Variants in SMAD4 observed in about 807,000 individuals in gnomAD.
The protein encoded by SMAD4 is MAD homolog 4.
A neutral mutation model predicts 63.2 loss-of-function variants in SMAD4; 7 were observed. The observed-to-expected ratio is 0.11, with a 90% confidence interval of 0.06 to 0.21. The LOEUF (loss-of-function observed/expected upper bound fraction) is 0.21. Among genes scored for constraint, SMAD4 ranks in the 10% least tolerant of loss-of-function variants. The pLI is 1.00. For missense variants in SMAD4, 312 were observed against 693.8 expected, an observed-to-expected ratio of 0.45 and a Z score of 6.18; for synonymous variants, 215 against 235.4, an observed-to-expected ratio of 0.91 and a Z score of 0.79.
At chr18:51,076,290 C>G (rs1452275617) in intron 10 of SMAD4, among the ~76,000 whole-genome samples, 1 of 152,130 alleles carries the variant, frequency 6.6e-6, no homozygotes, top group Non-Finnish European at 1.5e-5. Context: ...AAGGAAAATT[C>G]AGCAATTTGA....
chr18:51,078,198 G>A (rs2144477555), intron 11 of SMAD4, 58 bp from the exon 12 acceptor site: 1 of 1,338,922 alleles, frequency 7.5e-7, no homozygotes, highest in African/African-American at 1.4e-5. Flanking sequence ...TTAGAATGTA[G>A]GGAGGATGGG....
In SMAD4 at chr18:51,058,119, C is replaced by T. The variant is rs748992694; in HGVS notation, c.668-6C>T. On this transcript the variant is annotated splice_polypyrimidine_tract_variant and splice_region_variant and intron_variant, in intron 5 of 11. Coordinates refer to ENST00000342988, the MANE Select transcript of SMAD4 (RefSeq NM_005359.6). ...GTACCATGTTAATGTCTTCTTGTTC[C>T]TCTAGGTCAGCCTGCCAGTATACTG... The T allele has an allele frequency of 7.4e-6, 12 of 1,614,040 alleles. No individual in the cohort carries two copies. The South Asian group carries it at 1.1e-4, about 15-fold the overall frequency.
chr18:51,061,143 C>CAT lies in SMAD4; in HGVS notation c.955+1231_955+1232dup, dbSNP rs552361625. Among the ~76,000 whole-genome samples the CAT allele has an allele frequency of 9.9e-5, 15 of 152,206 alleles. No homozygotes were observed. The South Asian group carries it at 3.1e-3, about 32-fold the overall frequency. On this transcript the variant is annotated intron_variant, in intron 8 of 11. Transcript: ENST00000342988. ...GGCACATGAGATGTTTTGATACAGG[C>CAT]ATATAATGCATGATAATCACATCAT...
intron 11 of SMAD4, among the ~76,000 whole-genome samples, chr18:51,078,051 T>C (rs893485852): frequency 6.6e-6 from 1 of 152,234 alleles, no homozygotes; most frequent in East Asian, 1.9e-4. Context: ...AGAAGACACA[T>C]GTGAAATGTA....
rs556447163 is a variant in SMAD4, at chr18:51,040,896, A to G, written c.-127-6024A>G. ...AACTTCTCATCTCTTCAAACTCAAG[A>G]TATCTAAAGCTGAATTTGTTACATA... is the stretch of plus-strand genomic sequence containing the variant. On this transcript the variant is annotated intron_variant, in intron 1 of 11. Coordinates refer to ENST00000342988, the MANE Select transcript of SMAD4 (RefSeq NM_005359.6). 3.9e-5 allele frequency among the ~76,000 whole-genome samples: 6 copies of G among 152,322 alleles called. No homozygotes were observed. The South Asian group carries it at 1.2e-3, about 32-fold the overall frequency.
chr18:51,056,844 A>C (rs1909859798), intron 5 of SMAD4, among the ~76,000 whole-genome samples: 1 of 152,182 alleles, frequency 6.6e-6, no homozygotes, highest in African/African-American at 2.4e-5. Context: ...TTGACACCTG[A>C]ATATTTTAAG....
chr18:51,049,190 A>G, intron 3 of SMAD4, 105 bp from the exon 4 acceptor site: 1 of 879,458 alleles, frequency 1.1e-6, no homozygotes. Flanking sequence ...TGGTTCATGA[A>G]CTTTTGTAAT....
intron 4 of SMAD4, chr18:51,050,951 G>GTCT (rs981400190): frequency 2.6e-5 from 4 of 154,170 alleles, no homozygotes; most frequent in African/African-American, 9.7e-5. Flanking sequence ...TGTTGTGGTG[G>GTCT]TCTGGGAAGG....
In SMAD4 at chr18:51,079,853, G is replaced by A; in HGVS notation, c.*1386G>A. The A allele has an allele frequency of 4.3e-6, 1 of 232,206 alleles. No individual in the cohort carries two copies. 14.4% of individuals were successfully genotyped at this position (232,206 alleles called of 1,614,324 possible). A position where few individuals can be genotyped will look rare whatever the true frequency, so the allele number is the denominator to read the frequency against. Reference sequence around the variant, plus strand: ...TTTTGAGTCCAATCTCAGTGATGAGGTACCTTCTACTAAATGACAGGCAAC... The same window carrying A: ...TTTTGAGTCCAATCTCAGTGATGAGATACCTTCTACTAAATGACAGGCAAC... On this transcript the variant is annotated 3_prime_UTR_variant, in exon 12 of 12. Transcript: ENST00000342988.
At position 51,080,956 on chromosome 18, in the gene SMAD4, T is replaced by C. The variant is rs1225661942; in HGVS notation, c.*2489T>C. 1 of 199,168 alleles carries C rather than the reference T, an allele frequency of 5.0e-6. No homozygotes were observed. The highest frequency in any genetic ancestry group is 2.3e-5 in the African/African-American group (1 of 43,486). 12.3% of individuals were successfully genotyped at this position (199,168 alleles called of 1,614,324 possible). On this transcript the variant is annotated 3_prime_UTR_variant, in exon 12 of 12. Transcript: ENST00000342988. ...TGGAGCCAAGCCACCTGTCTTGGTT[T>C]CTTTCTACTAAGAGCCATAAAGTAT...
chr18:51,059,860 C>G lies in SMAD4; in HGVS notation c.905-6C>G, dbSNP rs777595914. 3 of 1,608,812 alleles carry G rather than the reference C, an allele frequency of 1.9e-6. No homozygotes were observed. The highest frequency in any genetic ancestry group is 1.7e-4 in the Middle Eastern group (1 of 6,050). On this transcript the variant is annotated splice_polypyrimidine_tract_variant and splice_region_variant and intron_variant, in intron 7 of 11. Coordinates refer to ENST00000342988, the MANE Select transcript of SMAD4 (RefSeq NM_005359.6). ...AAAAATGGAATTTTTGTTGTCTTTT[C>G]TTTAGGGCCTGTTCACAATGAGCTT... is the stretch of plus-strand genomic sequence containing the variant.
chr18:51,073,382 T>C (rs1290027338), intron 10 of SMAD4, among the ~76,000 whole-genome samples: 15 of 88,110 alleles, frequency 1.7e-4, no homozygotes, highest in African/African-American at 6.3e-4. Context: ...TATATATATA[T>C]ATATATACAC....
At chr18:51,038,539 C>G (rs1909278662) in intron 1 of SMAD4, among the ~76,000 whole-genome samples, 1 of 152,172 alleles carries the variant, frequency 6.6e-6, no homozygotes, top group African/African-American at 2.4e-5. Flanking sequence ...TTAAAATACT[C>G]CTCTCTTCCA....
Position 51,062,862 on chromosome 18 carries a change from T to TGTTTG in SMAD4, c.956-2561_956-2560insGTTTG, listed in dbSNP as rs1339194636. Among the ~76,000 whole-genome samples the TGTTTG allele has an allele frequency of 9.1e-4, 121 of 132,380 alleles. 2 individuals are homozygous for TGTTTG. The highest frequency in any genetic ancestry group is 3.2e-3 in the African/African-American group (113 of 35,304). 86.8% of individuals were successfully genotyped at this position (132,380 alleles called of 152,430 possible). Reference sequence around the variant, plus strand: ...ATCTGGCTTTACTTGTTTTTTTTTTTTTTTTTTTTTTTTGAGACGGAGTCT... The same window carrying TGTTTG: ...ATCTGGCTTTACTTGTTTTTTTTTTTGTTTGTTTTTTTTTTTTTGAGACGGAGTCT... On this transcript the variant is annotated intron_variant, in intron 8 of 11. Coordinates refer to ENST00000342988, the MANE Select transcript of SMAD4 (RefSeq NM_005359.6).
At chr18:51,054,556 A>G in intron 4 of SMAD4, 1 of 512,522 alleles carries the variant, frequency 2.0e-6, no homozygotes, top group South Asian at 2.3e-5. Flanking sequence ...CAAATTTGAG[A>G]GTCAGATTGA....
chr18:51,055,318 G>T (rs1909814627), intron 5 of SMAD4, among the ~76,000 whole-genome samples: 1 of 152,080 alleles, frequency 6.6e-6, no homozygotes, highest in South Asian at 2.1e-4. Context: ...TGTTTATGAA[G>T]GTCTGTGTTA....
At chr18:51,067,284 A>G in intron 10 of SMAD4, 97 bp downstream of exon 10, 4 of 625,138 alleles carry the variant, frequency 6.4e-6, no homozygotes, top group Non-Finnish European at 1.1e-5. Context: ...AATGTTTTAT[A>G]TATTAAATAA....
chr18:51,034,969 C>T (rs1476510905), intron 1 of SMAD4, among the ~76,000 whole-genome samples: 2 of 152,192 alleles, frequency 1.3e-5, no homozygotes, highest in East Asian at 1.9e-4. Flanking sequence ...GTTAGCCCTC[C>T]GCAGTGATTG....
At chr18:51,042,158 C>G (rs1390289977) in intron 1 of SMAD4, among the ~76,000 whole-genome samples, 45 of 152,142 alleles carry the variant, frequency 3.0e-4, no homozygotes, top group Admixed American at 2.9e-3. Context: ...TTGCATCCCA[C>G]AAGACTTTCA....
Sources: gnomAD v4.1 joint callset for allele counts (sites outside exome capture counted in the v4.1 genomes callset) on GRCh38, gnomAD v4.1.1 for gene constraint, MANE v1.5 for transcripts, NCBI Gene and HGNC (gene_info 2026-07-23, HGNC 2026-07-21) for gene names.